ABCA13: variants seen among roughly 807,000 people sequenced by gnomAD.
ABCA13 encodes the protein ATP binding cassette subfamily A member 13, also known as ATP-binding cassette sub-family A member 13.
A neutral mutation model predicts 478.7 loss-of-function variants in ABCA13; 476 were observed. The ratio of observed to expected loss-of-function variants is 0.99; its 90% CI spans 0.92 to 1.07. The LOEUF (loss-of-function observed/expected upper bound fraction) is 1.07. Ranked by LOEUF, ABCA13 falls within the 50% of genes least tolerant of loss-of-function variation. The pLI, the probability that ABCA13 is intolerant of heterozygous loss-of-function variation, is 0.00. For missense variants in ABCA13, 6,060 were observed against 5,910.6 expected (o/e 1.03, Z -0.83); for synonymous variants, 2,252 against 2,158.9 (o/e 1.04, Z -1.20).
chr7:48,580,085 AT>A, intron 55 of ABCA13, 138 bp from the exon 56 acceptor site: 1 of 946,118 alleles, frequency 1.1e-6, no homozygotes, highest in Non-Finnish European at 1.5e-6. Context: ...GTCTCATGAA[AT>A]GAACCTATTA....
Position 48,274,724 on chromosome 7 carries a change from T to A in ABCA13, c.5058T>A (p.Ser1686Arg). ...DLLVDQLEQVSVNLMDFFKNI... is the reference protein window; with the variant it reads ...DLLVDQLEQVRVNLMDFFKNI... ...TAGTGGATCAGCTTGAACAAGTTAG[T>A]GTAAACCTAATGGATTTCTTTAAGA... The change falls in exon 17 of 62, where the codon AGT (serine) becomes AGA (arginine). Residue 1686 changes from serine (S) to arginine (R), a missense_variant. Physicochemically the swap from Ser to Arg is moderately radical, Grantham distance 110. Transcript: ENST00000435803. 6.2e-7 allele frequency: 1 copy of A among 1,614,006 alleles called. No individual in the cohort carries two copies. The highest frequency in any genetic ancestry group is 1.1e-5 in the South Asian group (1 of 91,086).
Position 48,314,262 on chromosome 7 carries a change from G to T in ABCA13, c.9712G>T (p.Ala3238Ser). The change falls in exon 26 of 62, where the codon GCT (alanine) becomes TCT (serine). Residue 3238 changes from alanine to serine, a missense_variant. Physicochemically the swap from Ala to Ser is moderately conservative, Grantham distance 99. Transcript: ENST00000435803. ...ACAAAATGTCCAGGCCAGAAGTTCA[G>T]CTTTTGGTTCTTTCCAGTTTGTGAT... ...VSQNVQARSS[A>S]FGSFQFVMKM... The T allele has an allele frequency of 1.9e-6, 3 of 1,613,344 alleles. No individual in the cohort carries two copies. The highest frequency in any genetic ancestry group is 2.5e-6 in the Non-Finnish European group (3 of 1,179,784).
chr7:48,171,580 G>A, intron 1 of ABCA13, 28 bp downstream of exon 1: 1 of 1,535,726 alleles, frequency 6.5e-7, no homozygotes, highest in Admixed American at 2.0e-5. Context: ...TTTTCCATAG[G>A]GTTCCAGTGA....
At chr7:48,173,867 G>A (rs961157188) in intron 1 of ABCA13, among the ~76,000 whole-genome samples, 38 of 152,214 alleles carry the variant, frequency 2.5e-4, no homozygotes, top group African/African-American at 8.7e-4. Flanking sequence ...AGTGGGAGCT[G>A]TTTTCTTATT....
At chr7:48,288,534 G>C (rs1375531996) in intron 20 of ABCA13, among the ~76,000 whole-genome samples, 1 of 152,148 alleles carries the variant, frequency 6.6e-6, no homozygotes, top group Non-Finnish European at 1.5e-5. Flanking sequence ...CTTGTGCTAA[G>C]TGCAGTTCTT....
chr7:48,518,727 C>T (rs759781015), intron 52 of ABCA13, among the ~76,000 whole-genome samples: 20 of 151,878 alleles, frequency 1.3e-4, no homozygotes, highest in Non-Finnish European at 2.5e-4. Flanking sequence ...GGTTATGGAG[C>T]TTTGTAGCAT....
chr7:48,496,155 C>A (rs1301623679), intron 48 of ABCA13, among the ~76,000 whole-genome samples: 1 of 151,830 alleles, frequency 6.6e-6, no homozygotes, highest in Non-Finnish European at 1.5e-5. Flanking sequence ...TTTATGTTTC[C>A]TCTGTTTCTC....
rs535547623 is a variant in ABCA13 at position 48,244,485 on chromosome 7, G to A, written c.1263-91G>A. 8 of 1,442,012 alleles carry A rather than the reference G, an allele frequency of 5.5e-6. No homozygotes were observed. The East Asian group carries it at 1.0e-4, about 18-fold the overall frequency. 89.3% of individuals were successfully genotyped at this position (1,442,012 alleles called of 1,614,324 possible). A position where few individuals can be genotyped will look rare whatever the true frequency, so the allele number is the denominator to read the frequency against. On this transcript the variant is annotated intron_variant, in intron 10 of 61. Coordinates refer to ENST00000435803, the MANE Select transcript of ABCA13 (RefSeq NM_152701.5). ...AGTGAACACACTTCTCAAAGCAGTG[G>A]AATATTTTCCTTTGAACGGAATTTT...
rs1554569024 is a variant in ABCA13, at chr7:48,563,832, G to GTGTGTGTT, written c.14355-16390_14355-16383dup. On this transcript the variant is annotated intron_variant, in intron 55 of 61. Coordinates refer to ENST00000435803, the MANE Select transcript of ABCA13 (RefSeq NM_152701.5). ...TGTGTGTGTGTGTGTGTGTGTGTGTGTGTGTGTTTTGCATGGCCTCATCTT... is the reference window on the plus strand; with the variant it reads ...TGTGTGTGTGTGTGTGTGTGTGTGTGTGTGTGTTTGTGTGTTTTGCATGGCCTCATCTT... Among the ~76,000 whole-genome samples, 761 of 76,784 alleles carry GTGTGTGTT rather than the reference G, an allele frequency of 9.9e-3. 7 individuals carry two copies. Among genetic ancestry groups the GTGTGTGTT allele is most frequent in the African/African-American group, 0.052 (725 of 13,980 alleles). 50.4% of individuals were successfully genotyped at this position (76,784 alleles called of 152,430 possible). A position where few individuals can be genotyped will look rare whatever the true frequency, so the allele number is the denominator to read the frequency against.
intron 41 of ABCA13, among the ~76,000 whole-genome samples, chr7:48,426,770 C>A (rs866610987): frequency 3.3e-5 from 5 of 152,190 alleles, no homozygotes; most frequent in Non-Finnish European, 5.9e-5. Flanking sequence ...GTTCAGGAAA[C>A]CTTGGCTAAC....
rs754483282 is a variant in ABCA13 at position 48,279,605 on chromosome 7, G to A, written c.8411G>A (p.Ser2804Asn). The change falls in exon 18 of 62, where the codon AGT becomes AAT. Residue 2804 changes from serine to asparagine, a missense_variant. This residue lies in a region of ABCA13 where 4,423 missense variants were observed against 4,309.1 expected (regional missense o/e 1.03). Transcript: ENST00000435803. ...AGTTTATATTTTGACACACCTTTGAGTCAGAATATAACTCATCATCAACTT... is the reference window on the plus strand; with the variant it reads ...AGTTTATATTTTGACACACCTTTGAATCAGAATATAACTCATCATCAACTT... ...NKSLYFDTPL[S>N]QNITHHQLEK... 1.9e-6 allele frequency: 3 copies of A among 1,612,932 alleles called. No homozygotes were observed. In the African/African-American group the frequency reaches 4.0e-5, roughly 22 times the overall value.
chr7:48,507,468 A>G (rs553438935), intron 49 of ABCA13, among the ~76,000 whole-genome samples: 57 of 152,248 alleles, frequency 3.7e-4, no homozygotes, highest in African/African-American at 1.2e-3. Flanking sequence ...TGCAGTGTGG[A>G]GCTGTAGTGA....
chr7:48,225,230 C>T (rs1788042443), intron 5 of ABCA13, among the ~76,000 whole-genome samples: 1 of 147,386 alleles, frequency 6.8e-6, no homozygotes, highest in African/African-American at 2.5e-5. Flanking sequence ...CCCTCCCTCC[C>T]TCCCTCCCTT....
At chr7:48,545,261 A>T (rs1040292732) in intron 55 of ABCA13, among the ~76,000 whole-genome samples, 1 of 151,834 alleles carries the variant, frequency 6.6e-6, no homozygotes, top group Non-Finnish European at 1.5e-5. Flanking sequence ...AAGGGGTAGG[A>T]TCTAGAAAAG....
rs768463507 is a variant in ABCA13, at chr7:48,489,235, G to T, written c.13183-1G>T. On this transcript the variant is annotated splice_acceptor_variant, in intron 47 of 61. Coordinates refer to ENST00000435803, the MANE Select transcript of ABCA13 (RefSeq NM_152701.5). LOFTEE classifies it high-confidence loss of function. ...CCATTAAATTATCTTTCTTTTTTTA[G>T]GTGTGGTATAATCAGAAGGGTTTTC... 1.3e-5 allele frequency: 21 copies of T among 1,601,160 alleles called. No homozygotes were observed. In the East Asian group the frequency reaches 4.3e-4, roughly 32 times the overall value.
intron 21 of ABCA13, among the ~76,000 whole-genome samples, 178 bp downstream of exon 21, chr7:48,296,041 G>T (rs116736422): frequency 4.8e-4 from 73 of 152,260 alleles, no homozygotes; most frequent in African/African-American, 1.7e-3. Context: ...GTGGTAAAAT[G>T]TAACAGCAGC....
rs1185801148 is a variant in ABCA13 at position 48,454,042 on chromosome 7, CTG to C, written c.12566-993_12566-992del. Among the ~76,000 whole-genome samples the C allele has an allele frequency of 2.0e-5, 3 of 152,304 alleles. No homozygotes were observed. The East Asian group carries it at 5.8e-4, about 29-fold the overall frequency. On this transcript the variant is annotated intron_variant, in intron 42 of 61. Coordinates refer to ENST00000435803, the MANE Select transcript of ABCA13 (RefSeq NM_152701.5). The stretch of plus-strand genomic sequence containing the variant: ...AAACTTGTTTGCTGCTCTCTATTAA[CTG>C]TATTTCAGTTTGGTGTTTGTGAGCA...
chr7:48,313,318 C>A, intron 25 of ABCA13, 87 bp downstream of exon 25: 1 of 1,357,706 alleles, frequency 7.4e-7, no homozygotes, highest in Non-Finnish European at 1.0e-6. Context: ...CTTCCCACAT[C>A]TAAAATTTGC....
At chr7:48,271,006 A>G (rs919873274) in intron 16 of ABCA13, among the ~76,000 whole-genome samples, 2 of 152,212 alleles carry the variant, frequency 1.3e-5, no homozygotes, top group Admixed American at 1.3e-4. Flanking sequence ...TCTCACTGCG[A>G]AAGTGTTAAT....
Sources: allele counts gnomAD v4.1 joint callset (sites outside exome capture counted in the v4.1 genomes callset), GRCh38; gene constraint gnomAD v4.1.1; regional missense constraint gnomAD v4.1.1; transcripts MANE v1.5; gene names NCBI Gene and HGNC (gene_info 2026-07-23, HGNC 2026-07-21).